Variants in ANAPC13 observed in about 807,000 individuals in gnomAD.
The protein encoded by ANAPC13 is anaphase-promoting complex subunit 13.
ANAPC13 carries 9 observed loss-of-function variants against 9.6 expected under a neutral mutation model. The ratio of observed to expected loss-of-function variants is 0.94; its 90% CI spans 0.57 to 1.64. ANAPC13 has a LOEUF of 1.64. Among genes scored for constraint, ANAPC13 ranks in the 40% most tolerant of loss-of-function variants. The probability of loss-of-function intolerance (pLI) is 0.00; values close to 1 mark genes in which losing one functional copy is unlikely to be tolerated. For missense variants in ANAPC13, 75 were observed against 85.3 expected, an observed-to-expected ratio of 0.88 and a Z score of 0.48; for synonymous variants, 30 against 29.7, an observed-to-expected ratio of 1.01 and a Z score of -0.03.
chr3:134,479,073 T>C (rs1934676487), intron 2 of ANAPC13, among the ~76,000 whole-genome samples: 1 of 152,176 alleles, frequency 6.6e-6, no homozygotes. Flanking sequence ...GGCCTTTGTT[T>C]CTTCCTTGGC....
intron 2 of ANAPC13, 131 bp from the exon 3 acceptor site, chr3:134,478,846 G>T: frequency 9.7e-7 from 1 of 1,033,030 alleles, no homozygotes; most frequent in Non-Finnish European, 1.4e-6. Flanking sequence ...TTCTAAAAAA[G>T]CTAAAATCAT....
intron 2 of ANAPC13, 133 bp downstream of exon 2, chr3:134,482,673 G>T: frequency 1.3e-6 from 1 of 780,958 alleles, no homozygotes; most frequent in Non-Finnish European, 2.2e-6. Context: ...CTCTCCAGAA[G>T]CTTCTAGAGT....
intron 2 of ANAPC13, among the ~76,000 whole-genome samples, chr3:134,481,671 C>G (rs1559829813): frequency 6.6e-6 from 1 of 152,164 alleles, no homozygotes; most frequent in Non-Finnish European, 1.5e-5. Flanking sequence ...CAGTAGGCTT[C>G]AAAAAATGCT....
At chr3:134,481,053 C>T (rs996846832) in intron 2 of ANAPC13, among the ~76,000 whole-genome samples, 3 of 152,208 alleles carry the variant, frequency 2.0e-5, no homozygotes, top group Non-Finnish European at 4.4e-5. Context: ...TAAACTTCTC[C>T]AGAAATGGAC....
At chr3:134,485,718 C>T (rs912820039) in intron 1 of ANAPC13, 2 of 152,916 alleles carry the variant, frequency 1.3e-5, no homozygotes, top group Middle Eastern at 3.4e-3. Flanking sequence ...CAGGCCGTCC[C>T]TCAGCTGCGG....
intron 2 of ANAPC13, among the ~76,000 whole-genome samples, chr3:134,479,970 C>T (rs1453315108): frequency 6.6e-6 from 1 of 152,092 alleles, no homozygotes; most frequent in Non-Finnish European, 1.5e-5. Flanking sequence ...ATGCGATATC[C>T]AGACTTAAAA....
intron 1 of ANAPC13, among the ~76,000 whole-genome samples, chr3:134,483,804 G>A (rs1162418399): frequency 6.6e-6 from 1 of 152,214 alleles, no homozygotes; most frequent in Non-Finnish European, 1.5e-5. Context: ...CAGTTTCTGA[G>A]ACTATGGAGA....
intron 1 of ANAPC13, among the ~76,000 whole-genome samples, chr3:134,484,333 T>C (rs931868702): frequency 6.6e-6 from 1 of 151,336 alleles, no homozygotes; most frequent in Non-Finnish European, 1.5e-5. Flanking sequence ...TGAGCCGAGA[T>C]AGCGCCACGC....
chr3:134,484,509 C>T (rs1934907839), intron 1 of ANAPC13, among the ~76,000 whole-genome samples: 1 of 152,220 alleles, frequency 6.6e-6, no homozygotes. Flanking sequence ...GGTTTACACC[C>T]CCATGACAAG....
intron 1 of ANAPC13, 76 bp from the exon 2 acceptor site, chr3:134,483,007 C>A (rs1048796420): frequency 2.9e-6 from 3 of 1,021,650 alleles, no homozygotes; most frequent in African/African-American, 1.6e-5. Flanking sequence ...ATTCTCCAGG[C>A]TTTTTAGTCT....
intron 2 of ANAPC13, among the ~76,000 whole-genome samples, chr3:134,479,431 G>A (rs971548116): frequency 1.1e-4 from 16 of 152,026 alleles, no homozygotes; most frequent in African/African-American, 3.1e-4. Context: ...TCTGCCTCCC[G>A]GGTTCAAGCG....
chr3:134,486,005 C>A (rs1423259335), upstream of ANAPC13: 1 of 985,012 alleles, frequency 1.0e-6, no homozygotes, highest in Non-Finnish European at 1.2e-6. Flanking sequence ...CCCCCCCCTC[C>A]CCCGCATCAC....
intron 2 of ANAPC13, among the ~76,000 whole-genome samples, chr3:134,482,039 A>G (rs1934745383): frequency 6.6e-6 from 1 of 152,250 alleles, no homozygotes; most frequent in Admixed American, 6.5e-5. Flanking sequence ...TCTTATTCGT[A>G]AATGAAAATA....
chr3:134,478,849 A>G (rs1274068580), intron 2 of ANAPC13, 134 bp from the exon 3 acceptor site: 14 of 980,184 alleles, frequency 1.4e-5, no homozygotes, highest in Non-Finnish European at 2.1e-5. Context: ...TAAAAAAGCT[A>G]AAATCATACA....
Position 134,478,650 on chromosome 3 carries a change from C to A in ANAPC13, c.165G>T (p.Met55Ile). The A allele has an allele frequency of 1.9e-6, 3 of 1,614,134 alleles. No individual in the cohort carries two copies. Among genetic ancestry groups the A allele is most frequent in the African/African-American group, 1.3e-5 (1 of 75,060 alleles). Reference protein sequence around the residue: ...GTTESVKEQEMKWTDLALQYL... With the variant: ...GTTESVKEQEIKWTDLALQYL... ...ACTGTAAGGCTAAGTCTGTCCACTT[C>A]ATTTCTTGTTCTTTGACAGATTCTG... Residue 55 changes from methionine to isoleucine, a missense_variant, in exon 3 of 3, where the codon ATG becomes ATT. Physicochemically the swap from Met to Ile is conservative, Grantham distance 10. Transcript: ENST00000354910.
At position 134,478,362 on chromosome 3, in the gene ANAPC13, T is replaced by C; in HGVS notation, c.*228A>G. The C allele has an allele frequency of 2.0e-6, 1 of 510,160 alleles. No homozygotes were observed. 31.6% of individuals were successfully genotyped at this position (510,160 alleles called of 1,614,324 possible). On this transcript the variant is annotated 3_prime_UTR_variant, in exon 3 of 3. Coordinates refer to ENST00000354910, the MANE Select transcript of ANAPC13 (RefSeq NM_015391.4). ...ATGTTTAACCAATCATGTTCAAATA[T>C]AAGCTACTCAATGAAGAGTTTTAGG...
chr3:134,479,233 T>C (rs1406705582), intron 2 of ANAPC13, among the ~76,000 whole-genome samples: 1 of 152,190 alleles, frequency 6.6e-6, no homozygotes. Context: ...CTGAGATGAG[T>C]GAATCCTAAA....
chr3:134,481,063 C>T (rs572411059), intron 2 of ANAPC13, among the ~76,000 whole-genome samples: 13 of 152,172 alleles, frequency 8.5e-5, no homozygotes, highest in Admixed American at 2.0e-4. Context: ...CAGAAATGGA[C>T]GTCTCCTTTA....
chr3:134,483,505 G>C (rs1282307696), intron 1 of ANAPC13, among the ~76,000 whole-genome samples: 1 of 152,206 alleles, frequency 6.6e-6, no homozygotes, highest in Non-Finnish European at 1.5e-5. Context: ...CTTTGGGGTA[G>C]CTCCTTCCTC....
Sources: gnomAD v4.1 joint callset for allele counts (sites outside exome capture counted in the v4.1 genomes callset) on GRCh38, gnomAD v4.1.1 for gene constraint, MANE v1.5 for transcripts, NCBI Gene and HGNC (gene_info 2026-07-23, HGNC 2026-07-21) for gene names.